The following KLF12 variants were observed in gnomAD, a reference collection of about 807,000 sequenced individuals.
The protein encoded by KLF12 is Krueppel-like factor 12.
Under a neutral mutation model 37.8 loss-of-function variants are expected in KLF12, and 9 were observed. The ratio of observed to expected loss-of-function variants is 0.24; its 90% CI spans 0.14 to 0.42. KLF12 has a LOEUF of 0.42. KLF12 is among the 10% of genes least tolerant of loss of function. The pLI is 1.00. For missense variants in KLF12, 411 were observed against 516.0 expected (o/e 0.80, Z 1.97); for synonymous variants, 208 against 202.1 (o/e 1.03, Z -0.25).
upstream of KLF12, among the ~76,000 whole-genome samples, chr13:74,138,416 A>G (rs1309664057): frequency 1.3e-5 from 2 of 152,228 alleles, no homozygotes; most frequent in Non-Finnish European, 2.9e-5. Context: ...AATAATGTGC[A>G]GCAAAGGGGA....
chr13:74,259,642 C>T, the KLF12 span: 3 of 152,192 alleles, frequency 2.0e-5, no homozygotes, highest in Non-Finnish European at 4.4e-5. Flanking sequence ...ATTTCTTTAG[C>T]CAATACTACA....
In KLF12 at chr13:73,880,993, T is replaced by C. The variant is rs549160670; in HGVS notation, c.124-34620A>G. Among the ~76,000 whole-genome samples, 3 of 152,328 alleles carry C rather than the reference T, an allele frequency of 2.0e-5. No homozygotes were observed. In the South Asian group the frequency reaches 6.2e-4, roughly 32 times the overall value. The stretch of plus-strand genomic sequence containing the variant: ...TCTGATATCTGAAAGTGTTAACGTC[T>C]AAACAAATTAGAATTTTTAAATGCA... On this transcript the variant is annotated intron_variant, in intron 3 of 7. Transcript: ENST00000377669.
chr13:74,156,922 C>A, the KLF12 span, among the ~76,000 whole-genome samples: 3 of 152,168 alleles, frequency 2.0e-5, no homozygotes, highest in Non-Finnish European at 2.9e-5. Flanking sequence ...GTAAACAGTG[C>A]TGCAACGAAC....
chr13:74,154,886 T>C, the KLF12 span, among the ~76,000 whole-genome samples: 1 of 152,358 alleles, frequency 6.6e-6, no homozygotes, highest in Admixed American at 6.5e-5. Context: ...TTGTTTCTTC[T>C]TCCAAAGTCA....
chr13:73,808,058 C>G (rs751975045), intron 5 of KLF12, among the ~76,000 whole-genome samples: 3 of 152,134 alleles, frequency 2.0e-5, no homozygotes, highest in African/African-American at 7.2e-5. Context: ...ATTATTTTGT[C>G]TAGGATTAGA....
At chr13:74,031,714 T>C (rs932697400) in intron 1 of KLF12, among the ~76,000 whole-genome samples, 2 of 152,154 alleles carry the variant, frequency 1.3e-5, no homozygotes, top group Admixed American at 6.6e-5. Flanking sequence ...CCATGTTGCA[T>C]AGATTAAAAG....
the KLF12 span, among the ~76,000 whole-genome samples, chr13:74,242,251 G>C: frequency 6.6e-6 from 1 of 152,180 alleles, no homozygotes; most frequent in African/African-American, 2.4e-5. Context: ...GTATTAGTCT[G>C]TCTTCATGCT....
chr13:74,084,006 A>G (rs1021775741), intron 1 of KLF12, among the ~76,000 whole-genome samples: 12 of 152,184 alleles, frequency 7.9e-5, no homozygotes, highest in Non-Finnish European at 1.6e-4. Context: ...GAAAAGCAAG[A>G]TTTCTTATAG....
intron 3 of KLF12, among the ~76,000 whole-genome samples, chr13:73,897,334 C>T (rs775721453): frequency 3.9e-5 from 6 of 152,172 alleles, no homozygotes; most frequent in Admixed American, 2.6e-4. Context: ...GCTTCCCAAG[C>T]GCAACATGCA....
In KLF12 at chr13:74,122,315, C is replaced by A. The variant is rs1877676335; in HGVS notation, c.-32+11424G>T. ...ATAATTCTAATTTTCCTACAAACAT[C>A]ACAAAAGATGTTCAAAGTCACTAAC... On this transcript the variant is annotated intron_variant, in intron 1 of 7. Coordinates refer to ENST00000377669, the MANE Select transcript of KLF12 (RefSeq NM_007249.5). Among the ~76,000 whole-genome samples, 4 of 152,162 alleles carry A rather than the reference C, an allele frequency of 2.6e-5. No individual in the cohort carries two copies. In the South Asian group the frequency reaches 8.3e-4, roughly 32 times the overall value.
the KLF12 span, among the ~76,000 whole-genome samples, chr13:74,265,794 G>A: frequency 1.3e-5 from 2 of 152,164 alleles, no homozygotes; most frequent in Non-Finnish European, 2.9e-5. Flanking sequence ...AGGAATAAGA[G>A]TTATTATGAA....
At chr13:73,824,103 T>A (rs1260623244) in intron 4 of KLF12, among the ~76,000 whole-genome samples, 1 of 152,102 alleles carries the variant, frequency 6.6e-6, no homozygotes, top group African/African-American at 2.4e-5. Flanking sequence ...ATTACATATT[T>A]CTTGTGTACA....
chr13:74,110,872 T>C (rs941226043), intron 1 of KLF12, among the ~76,000 whole-genome samples: 7 of 152,174 alleles, frequency 4.6e-5, no homozygotes, highest in African/African-American at 1.7e-4. Flanking sequence ...GTATTCTAGT[T>C]GTGTATTTGA....
intron 1 of KLF12, among the ~76,000 whole-genome samples, chr13:74,089,061 C>CA (rs1176865037): frequency 6.6e-6 from 1 of 152,042 alleles, no homozygotes; most frequent in Non-Finnish European, 1.5e-5. Context: ...GCGTAATTAT[C>CA]AAAAAAAGTA....
At chr13:73,771,516 A>T (rs1880272181) in intron 5 of KLF12, among the ~76,000 whole-genome samples, 1 of 136,866 alleles carries the variant, frequency 7.3e-6, no homozygotes, top group Non-Finnish European at 1.6e-5. Flanking sequence ...GAAAAATATA[A>T]AAATGTTTTA....
chr13:73,721,109 G>A (rs1297361786), intron 6 of KLF12, among the ~76,000 whole-genome samples: 1 of 152,152 alleles, frequency 6.6e-6, no homozygotes, highest in African/African-American at 2.4e-5. Context: ...AAGCTTCAGA[G>A]CAACCCTCTG....
intron 4 of KLF12, among the ~76,000 whole-genome samples, chr13:73,845,522 C>T (rs759730865): frequency 1.3e-5 from 2 of 152,178 alleles, no homozygotes; most frequent in Non-Finnish European, 2.9e-5. Context: ...CCCTTTCCAA[C>T]TGAGGACTTA....
chr13:73,977,396 T>G lies in KLF12; in HGVS notation c.33+17594A>C, dbSNP rs142880118. On this transcript the variant is annotated intron_variant, in intron 2 of 7. Coordinates refer to ENST00000377669, the MANE Select transcript of KLF12 (RefSeq NM_007249.5). Reference sequence around the variant, plus strand: ...TACAAAGCATTTACAAAAATTACCCTTGAACTACCCCATATAGCAAAGCCA... The same window carrying G: ...TACAAAGCATTTACAAAAATTACCCGTGAACTACCCCATATAGCAAAGCCA... 3.7e-3 allele frequency among the ~76,000 whole-genome samples: 565 copies of G among 152,224 alleles called. 4 individuals carry two copies. Among genetic ancestry groups the G allele is most frequent in the African/African-American group, 0.013 (532 of 41,556 alleles).
At chr13:73,822,154 C>A (rs971231685) in intron 4 of KLF12, among the ~76,000 whole-genome samples, 3 of 152,186 alleles carry the variant, frequency 2.0e-5, no homozygotes, top group Admixed American at 6.5e-5. Flanking sequence ...GTCTAGCTCA[C>A]ATTTCATTTA....
Sources: allele counts gnomAD v4.1 joint callset (sites outside exome capture counted in the v4.1 genomes callset), GRCh38; gene constraint gnomAD v4.1.1; transcripts MANE v1.5; gene names NCBI Gene and HGNC (gene_info 2026-07-23, HGNC 2026-07-21).